NUDCD3: variants seen among roughly 807,000 people sequenced by gnomAD.
The protein encoded by NUDCD3 is nudC domain-containing protein 3.
A neutral mutation model predicts 39.7 loss-of-function variants in NUDCD3; 13 were observed. The observed-to-expected ratio is 0.33, with a 90% CI of 0.21 to 0.52. The LOEUF (loss-of-function observed/expected upper bound fraction) is 0.52. Ranked by LOEUF, NUDCD3 falls within the 20% of genes least tolerant of loss-of-function variation. NUDCD3 has a pLI of 0.96. For missense variants in NUDCD3, 453 were observed against 458.1 expected, an observed-to-expected ratio of 0.99 and a Z score of 0.10; for synonymous variants, 175 against 172.4, an observed-to-expected ratio of 1.02 and a Z score of -0.12.
chr7:44,465,992 T>C (rs1800110278), intron 2 of NUDCD3, among the ~76,000 whole-genome samples: 1 of 152,120 alleles, frequency 6.6e-6, no homozygotes, highest in South Asian at 2.1e-4. Flanking sequence ...CGTGAATGCA[T>C]ACTTTTGGGA....
intron 2 of NUDCD3, among the ~76,000 whole-genome samples, chr7:44,446,737 TA>T (rs1326895530): frequency 1.3e-5 from 2 of 152,208 alleles, no homozygotes; most frequent in African/African-American, 4.8e-5. Flanking sequence ...TTGCCTCCCT[TA>T]AAAAGTGTTT....
At chr7:44,414,974 G>T (rs1798994022) in intron 3 of NUDCD3, among the ~76,000 whole-genome samples, 1 of 152,198 alleles carries the variant, frequency 6.6e-6, no homozygotes, top group African/African-American at 2.4e-5. Context: ...AACAGTGACT[G>T]CACCAGCCTG....
At chr7:44,452,014 A>G (rs1213749940) in intron 2 of NUDCD3, among the ~76,000 whole-genome samples, 1 of 152,202 alleles carries the variant, frequency 6.6e-6, no homozygotes, top group African/African-American at 2.4e-5. Flanking sequence ...ACCACTGATG[A>G]GGGCAAAAAT....
rs568683300 is a variant in NUDCD3 at position 44,450,763 on chromosome 7, G to A, written c.510-23060C>T. Among the ~76,000 whole-genome samples the A allele has an allele frequency of 2.1e-3, 322 of 152,246 alleles. 1 individual carries two copies. Among genetic ancestry groups the A allele is most frequent in the Admixed American group, 3.3e-3 (51 of 15,286 alleles). On this transcript the variant is annotated intron_variant, in intron 2 of 5. Transcript: ENST00000355451. ...AATCTGGCACCTGACATATGGAATA[G>A]CTATTCTACTCCTAGGTTATTCACC...
chr7:44,456,020 C>G lies in NUDCD3; in HGVS notation c.510-28317G>C, dbSNP rs371195285. Among the ~76,000 whole-genome samples the G allele has an allele frequency of 5.4e-3, 488 of 90,010 alleles. 5 individuals are homozygous for G. Among genetic ancestry groups the G allele is most frequent in the African/African-American group, 0.021 (458 of 21,736 alleles). The allele number at this position is 90,010 out of a possible 152,430, so 59.1% of individuals were successfully genotyped here. On this transcript the variant is annotated intron_variant, in intron 2 of 5. Coordinates refer to ENST00000355451, the MANE Select transcript of NUDCD3 (RefSeq NM_015332.4). The stretch of plus-strand genomic sequence containing the variant: ...CAGCCTGGGCGACAGAGCGAGACTC[C>G]GTCTCAAAAAAAAAAAAAAAAAAAA...
chr7:44,442,848 A>G (rs563792632), intron 2 of NUDCD3, among the ~76,000 whole-genome samples: 3 of 151,468 alleles, frequency 2.0e-5, no homozygotes, highest in African/African-American at 7.3e-5. Flanking sequence ...GGCGCCCACC[A>G]CTGCGCCTGG....
At chr7:44,400,525 C>T (rs945690866) in intron 4 of NUDCD3, among the ~76,000 whole-genome samples, 1 of 152,238 alleles carries the variant, frequency 6.6e-6, no homozygotes, top group African/African-American at 2.4e-5. Context: ...AGCCTCACAG[C>T]AGTGCTGTGA....
intron 1 of NUDCD3, among the ~76,000 whole-genome samples, chr7:44,487,790 C>T (rs1409809376): frequency 1.3e-5 from 2 of 151,428 alleles, no homozygotes; most frequent in African/African-American, 4.8e-5. Flanking sequence ...ATTTCTACTA[C>T]TAAAAATACA....
At chr7:44,387,681 T>A (rs927018440) in intron 5 of NUDCD3, among the ~76,000 whole-genome samples, 1 of 152,204 alleles carries the variant, frequency 6.6e-6, no homozygotes, top group Non-Finnish European at 1.5e-5. Flanking sequence ...CCCGGGTTGC[T>A]GCATGGGGGC....
chr7:44,432,631 C>G (rs952749812), intron 2 of NUDCD3, among the ~76,000 whole-genome samples: 4 of 152,334 alleles, frequency 2.6e-5, no homozygotes, highest in Admixed American at 1.3e-4. Context: ...GTTTGTCAAC[C>G]CCCTCTCCAC....
intron 4 of NUDCD3, among the ~76,000 whole-genome samples, chr7:44,401,358 T>G (rs140102782): frequency 1.4e-4 from 21 of 152,300 alleles, no homozygotes; most frequent in African/African-American, 5.1e-4. Context: ...AAATAAATAA[T>G]TATATCAAGA....
intron 2 of NUDCD3, among the ~76,000 whole-genome samples, chr7:44,431,668 CTTT>C (rs755819096): frequency 4.1e-5 from 5 of 120,840 alleles, no homozygotes; most frequent in African/African-American, 9.2e-5. Context: ...TCTCTCCTTC[CTTT>C]TTTTTTTTTT....
At chr7:44,389,008 T>C (rs984353806) in intron 5 of NUDCD3, among the ~76,000 whole-genome samples, 4 of 152,220 alleles carry the variant, frequency 2.6e-5, no homozygotes, top group Non-Finnish European at 4.4e-5. Context: ...AAGAAGCTGT[T>C]TGCAGGCACA....
intron 5 of NUDCD3, among the ~76,000 whole-genome samples, chr7:44,388,764 C>A (rs1427715900): frequency 6.6e-6 from 1 of 152,238 alleles, no homozygotes; most frequent in African/African-American, 2.4e-5. Flanking sequence ...TACCCCCGCG[C>A]CACCAGCCCT....
rs1798391441 is a variant in NUDCD3 at position 44,385,812 on chromosome 7, C to T, written c.*199G>A. 5 of 576,882 alleles carry T rather than the reference C, an allele frequency of 8.7e-6. No homozygotes were observed. The Admixed American group carries it at 9.2e-5, about 11-fold the overall frequency. The allele number at this position is 576,882 out of a possible 1,614,324, so 35.7% of individuals were successfully genotyped here. ...TCAGTGTCAGCCACAGCGGCCACCA[C>T]ATAGCAGCTGGCCCCGCACCTTCTC... On this transcript the variant is annotated 3_prime_UTR_variant, in exon 6 of 6. Coordinates refer to ENST00000355451, the MANE Select transcript of NUDCD3 (RefSeq NM_015332.4).
At chr7:44,484,906 G>C in intron 2 of NUDCD3, 62 bp downstream of exon 2, 2 of 1,251,880 alleles carry the variant, frequency 1.6e-6, no homozygotes, top group African/African-American at 3.0e-5. Flanking sequence ...ATAAATTATG[G>C]AGAAACCCAA....
chr7:44,403,660 C>T (rs1284760423), intron 4 of NUDCD3, among the ~76,000 whole-genome samples: 2 of 152,238 alleles, frequency 1.3e-5, no homozygotes, highest in East Asian at 1.9e-4. Context: ...GCCTGCCAAG[C>T]ATGTCTTATA....
rs199772297 is a variant in NUDCD3 at position 44,418,292 on chromosome 7, CAG to C, written c.642+9277_642+9278del. 6.6e-3 allele frequency among the ~76,000 whole-genome samples: 1,009 copies of C among 152,320 alleles called. 10 individuals are homozygous for C. Among genetic ancestry groups the C allele is most frequent in the African/African-American group, 0.023 (953 of 41,566 alleles). On this transcript the variant is annotated intron_variant, in intron 3 of 5. Coordinates refer to ENST00000355451, the MANE Select transcript of NUDCD3 (RefSeq NM_015332.4). ...TGCAAGCCAAGTTGCCCCCACCATACAGAGAGGTTCATTTCCTATAAATGCAC... is the reference window on the plus strand; with the variant it reads ...TGCAAGCCAAGTTGCCCCCACCATACAGAGGTTCATTTCCTATAAATGCAC...
chr7:44,438,586 C>CACCCAGTGCTAATTCTGACCCCACCCTAT (rs1453442203), intron 2 of NUDCD3, among the ~76,000 whole-genome samples: 1 of 126,872 alleles, frequency 7.9e-6, no homozygotes, highest in Non-Finnish European at 1.8e-5. Context: ...CCCCACCCCA[C>CACCCAGTGCTAATTCTGACCCCACCCTAT]ACCCAGTGCT....
Sources: allele counts gnomAD v4.1 joint callset (sites outside exome capture counted in the v4.1 genomes callset), GRCh38; gene constraint gnomAD v4.1.1; transcripts MANE v1.5; gene names NCBI Gene and HGNC (gene_info 2026-07-23, HGNC 2026-07-21).